Variants in ARFGAP3 observed in about 807,000 individuals in gnomAD.
ARFGAP3 encodes the protein ADP-ribosylation factor GTPase-activating protein 3.
In ARFGAP3, 72 loss-of-function variants were observed where a neutral mutation model predicts 75.0. That is an observed-to-expected ratio of 0.96 (90% CI 0.79 to 1.17). The LOEUF is 1.17. ARFGAP3 is among the 50% of genes most tolerant of loss of function. The probability of loss-of-function intolerance (pLI) is 0.00; values close to 1 mark genes in which losing one functional copy is unlikely to be tolerated. For synonymous variants in ARFGAP3, 221 were observed against 217.9 expected, an observed-to-expected ratio of 1.01 and a Z score of -0.13; for missense variants, 620 against 626.6, an observed-to-expected ratio of 0.99 and a Z score of 0.11.
chr22:42,855,475 C>T (rs1406366825), intron 1 of ARFGAP3, among the ~76,000 whole-genome samples: 1 of 151,782 alleles, frequency 6.6e-6, no homozygotes, highest in Non-Finnish European at 1.5e-5. Context: ...CACTTGAGGC[C>T]AGGAGTTTGA....
intron 1 of ARFGAP3, among the ~76,000 whole-genome samples, chr22:42,856,347 G>C (rs1303121567): frequency 6.6e-6 from 1 of 152,200 alleles, no homozygotes; most frequent in Non-Finnish European, 1.5e-5. Context: ...TCACAGGAGG[G>C]GCGGGGAGAG....
rs949923098 is a variant in ARFGAP3, at chr22:42,857,270, C to A, written c.-88G>T. On this transcript the variant is annotated 5_prime_UTR_variant, in exon 1 of 16. Coordinates refer to ENST00000263245, the MANE Select transcript of ARFGAP3 (RefSeq NM_014570.5). ...TACCGCCTCAGCAGGAGCGACGAGG[C>A]CGCGGGGGCGGGGCTGCGCGTAACG... The A allele has an allele frequency of 8.9e-6, 13 of 1,462,354 alleles. No homozygotes were observed. The highest frequency in any genetic ancestry group is 3.0e-5 in the East Asian group (1 of 32,958). The allele number at this position is 1,462,354 out of a possible 1,614,324, so 90.6% of individuals were successfully genotyped here.
intron 2 of ARFGAP3, among the ~76,000 whole-genome samples, chr22:42,841,869 T>C (rs1926795051): frequency 6.7e-6 from 1 of 150,234 alleles, no homozygotes; most frequent in Admixed American, 6.6e-5. Flanking sequence ...TAATTTCTTT[T>C]TTTTTTTTTT....
chr22:42,856,115 C>T (rs1430093947), intron 1 of ARFGAP3, among the ~76,000 whole-genome samples: 1 of 152,130 alleles, frequency 6.6e-6, no homozygotes, highest in African/African-American at 2.4e-5. Flanking sequence ...TTCCTGGAGC[C>T]TTTCTCTTAA....
At chr22:42,806,034 C>A (rs1925105663) in intron 14 of ARFGAP3, among the ~76,000 whole-genome samples, 1 of 152,256 alleles carries the variant, frequency 6.6e-6, no homozygotes, top group South Asian at 2.1e-4. Context: ...AGCTGTTTCT[C>A]TTTGGACTCT....
chr22:42,815,652 G>C (rs867083682), intron 11 of ARFGAP3, among the ~76,000 whole-genome samples: 1 of 151,908 alleles, frequency 6.6e-6, no homozygotes, highest in Non-Finnish European at 1.5e-5. Context: ...ATATGAAAAC[G>C]CTTCAAACCT....
At chr22:42,845,930 T>C (rs181493524) in intron 2 of ARFGAP3, among the ~76,000 whole-genome samples, 2 of 149,236 alleles carry the variant, frequency 1.3e-5, no homozygotes, top group Non-Finnish European at 3.0e-5. Flanking sequence ...CCCAGCTACT[T>C]GGGAGGCTGA....
rs2146541416 is a variant in ARFGAP3, at chr22:42,817,262, A to C, written c.944T>G (p.Val315Gly). Reference protein sequence around the residue: ...LGMGFGNCRSVISHSVTSDMQ... With the variant: ...LGMGFGNCRSGISHSVTSDMQ... ...ATCTGAAGTCACTGAATGTGAAATA[A>C]CACTTGAGAAAACAGAAAAATATAT... is the stretch of plus-strand genomic sequence containing the variant. Residue 315 changes from valine (V) to glycine (G), a missense_variant and splice_region_variant, in exon 11 of 16, where the codon GTT (valine) becomes GGT (glycine). Val to Gly is a moderately radical substitution (Grantham distance 109, BLOSUM62 -3). Coordinates refer to ENST00000263245, the MANE Select transcript of ARFGAP3 (RefSeq NM_014570.5). The C allele has an allele frequency of 6.2e-7, 1 of 1,603,840 alleles. No individual in the cohort carries two copies. Among genetic ancestry groups the C allele is most frequent in the African/African-American group, 1.3e-5 (1 of 74,692 alleles).
chr22:42,832,788 C>T (rs1926353461), intron 5 of ARFGAP3, among the ~76,000 whole-genome samples: 1 of 151,822 alleles, frequency 6.6e-6, no homozygotes, highest in African/African-American at 2.4e-5. Context: ...GAGTTTGAGA[C>T]AAGCCTGACC....
intron 5 of ARFGAP3, 42 bp from the exon 6 acceptor site, chr22:42,831,678 A>G (rs755907063): frequency 2.5e-6 from 4 of 1,612,210 alleles, no homozygotes; most frequent in Non-Finnish European, 3.4e-6. Context: ...CAAAGCAAGA[A>G]AACAGCCATA....
intron 11 of ARFGAP3, 143 bp downstream of exon 11, chr22:42,816,999 G>T: frequency 1.8e-6 from 1 of 565,128 alleles, no homozygotes. Context: ...TTACTCCAAA[G>T]AACAGCTCTG....
intron 2 of ARFGAP3, among the ~76,000 whole-genome samples, chr22:42,845,297 G>C (rs1383136286): frequency 6.7e-6 from 1 of 149,306 alleles, no homozygotes; most frequent in Non-Finnish European, 1.5e-5. Context: ...GGCCGAGGCG[G>C]GCAGATCACC....
At chr22:42,801,511 C>T (rs1924858791) in intron 14 of ARFGAP3, among the ~76,000 whole-genome samples, 1 of 152,240 alleles carries the variant, frequency 6.6e-6, no homozygotes, top group Non-Finnish European at 1.5e-5. Context: ...AGCTTCCTTG[C>T]CTACTATGAC....
At chr22:42,844,999 G>A (rs916080272) in intron 2 of ARFGAP3, among the ~76,000 whole-genome samples, 3 of 152,130 alleles carry the variant, frequency 2.0e-5, no homozygotes, top group African/African-American at 7.2e-5. Flanking sequence ...TTCCCTCACG[G>A]AGGAACACAT....
rs138028492 is a variant in ARFGAP3 at position 42,808,879 on chromosome 22, C to G, written c.1208G>C (p.Arg403Pro). ...AACTGGCTCATAATCTGGCTTGCGG[C>G]GAGCAGTAGGTCTGCAATTAAAAAC... ...TTGYSDRPTA[R>P]RKPDYEPVEN... Residue 403 changes from arginine to proline, a missense_variant, in exon 13 of 16, where the codon CGC becomes CCC. By Grantham distance (103) the Arg-to-Pro change is moderately radical. Coordinates refer to ENST00000263245, the MANE Select transcript of ARFGAP3 (RefSeq NM_014570.5). 2.1e-5 allele frequency: 33 copies of G among 1,608,802 alleles called. No homozygotes were observed. The Middle Eastern group carries it at 1.2e-3, about 56-fold the overall frequency.
intron 1 of ARFGAP3, among the ~76,000 whole-genome samples, chr22:42,854,461 CT>C (rs1392470712): frequency 6.6e-6 from 1 of 152,060 alleles, no homozygotes; most frequent in East Asian, 1.9e-4. Context: ...TCCATTACTA[CT>C]AAAAATACAA....
chr22:42,838,404 C>A (rs1926633601), intron 3 of ARFGAP3, among the ~76,000 whole-genome samples: 1 of 150,744 alleles, frequency 6.6e-6, no homozygotes, highest in African/African-American at 2.4e-5. Flanking sequence ...CTCAAGTGAT[C>A]CTCCCACCTC....
rs151097982 is a variant in ARFGAP3 at position 42,815,029 on chromosome 22, T to C, written c.1064+2113A>G. 7.8e-3 allele frequency among the ~76,000 whole-genome samples: 1,193 copies of C among 152,330 alleles called. 7 individuals carry two copies. The highest frequency in any genetic ancestry group is 0.015 in the South Asian group (73 of 4,830). ...CTGGGATTATAAGTGTGAGCCACCA[T>C]GCCCAGCCTAAACTTTCTTTACCTT... On this transcript the variant is annotated intron_variant, in intron 11 of 15. Coordinates refer to ENST00000263245, the MANE Select transcript of ARFGAP3 (RefSeq NM_014570.5).
Position 42,850,142 on chromosome 22 carries a change from C to T in ARFGAP3, c.70-2510G>A, listed in dbSNP as rs115752832. Among the ~76,000 whole-genome samples, 754 of 152,124 alleles carry T rather than the reference C, an allele frequency of 5.0e-3. 1 individual carries two copies. The highest frequency in any genetic ancestry group is 0.016 in the African/African-American group (661 of 41,480). Reference sequence around the variant, plus strand: ...AGTGCTAACTAGCAGAGTCACGCGTCGGAAGTGTGCTGGGCCCATAAAATA... The same window carrying T: ...AGTGCTAACTAGCAGAGTCACGCGTTGGAAGTGTGCTGGGCCCATAAAATA... On this transcript the variant is annotated intron_variant, in intron 1 of 15. Coordinates refer to ENST00000263245, the MANE Select transcript of ARFGAP3 (RefSeq NM_014570.5).
Sources: gnomAD v4.1 joint callset for allele counts (sites outside exome capture counted in the v4.1 genomes callset) on GRCh38, gnomAD v4.1.1 for gene constraint, MANE v1.5 for transcripts, NCBI Gene and HGNC (gene_info 2026-07-23, HGNC 2026-07-21) for gene names.